The following SLC25A26 variants were observed in gnomAD, a reference collection of about 807,000 sequenced individuals.
The protein encoded by SLC25A26 is solute carrier family 25 member 26.
A neutral mutation model predicts 37.8 loss-of-function variants in SLC25A26; 36 were observed. The observed-to-expected ratio is 0.95, with a 90% CI of 0.73 to 1.26. The LOEUF is 1.26. Among genes scored for constraint, SLC25A26 ranks in the 50% most tolerant of loss-of-function variants. The probability of loss-of-function intolerance (pLI) is 0.00; values close to 1 mark genes in which losing one functional copy is unlikely to be tolerated. For missense variants in SLC25A26, 390 were observed against 331.1 expected, an observed-to-expected ratio of 1.18 and a Z score of -1.38; for synonymous variants, 129 against 122.5, an observed-to-expected ratio of 1.05 and a Z score of -0.35.
chr3:66,153,987 G>A (rs2070242805), intron 1 of SLC25A26, among the ~76,000 whole-genome samples: 1 of 152,206 alleles, frequency 6.6e-6, no homozygotes, highest in Non-Finnish European at 1.5e-5. Context: ...ATTCCGTCAG[G>A]AGTGCGTGGT....
chr3:66,277,606 A>G (rs1307717906), intron 5 of SLC25A26, among the ~76,000 whole-genome samples: 2 of 152,244 alleles, frequency 1.3e-5, no homozygotes, highest in Non-Finnish European at 2.9e-5. Flanking sequence ...ACTTTAATAT[A>G]TATAATCTTT....
intron 5 of SLC25A26, among the ~76,000 whole-genome samples, chr3:66,336,707 G>A (rs935817589): frequency 6.6e-6 from 1 of 152,156 alleles, no homozygotes; most frequent in Non-Finnish European, 1.5e-5. Context: ...CATACAAGAA[G>A]TTTTCAGGTT....
chr3:66,174,617 T>TAAA (rs200658216), intron 1 of SLC25A26, among the ~76,000 whole-genome samples: 7 of 151,044 alleles, frequency 4.6e-5, no homozygotes, highest in Non-Finnish European at 1.0e-4. Context: ...CGTCTCTACT[T>TAAA]AAAAAAAACA....
At chr3:66,366,906 G>A (rs547050196) in intron 7 of SLC25A26, among the ~76,000 whole-genome samples, 13 of 152,290 alleles carry the variant, frequency 8.5e-5, no homozygotes, top group African/African-American at 2.9e-4. Context: ...AATGAGAATA[G>A]TAACACCTAT....
At chr3:66,210,158 A>G (rs1422648501) in intron 1 of SLC25A26, among the ~76,000 whole-genome samples, 2 of 150,750 alleles carry the variant, frequency 1.3e-5, no homozygotes, top group Non-Finnish European at 3.0e-5. Flanking sequence ...TTGAGCCTAT[A>G]TGATGTATCT....
At chr3:66,152,388 A>G (rs2070220775) in intron 1 of SLC25A26, among the ~76,000 whole-genome samples, 1 of 152,216 alleles carries the variant, frequency 6.6e-6, no homozygotes, top group Admixed American at 6.5e-5. Flanking sequence ...AAAATGACTT[A>G]CTTAAAAAAT....
At chr3:66,199,153 C>T (rs938675892) in intron 1 of SLC25A26, among the ~76,000 whole-genome samples, 3 of 151,964 alleles carry the variant, frequency 2.0e-5, no homozygotes, top group African/African-American at 7.3e-5. Flanking sequence ...TTACTTGACC[C>T]TGCCCTACCT....
chr3:66,366,703 T>C (rs1196405592), intron 7 of SLC25A26, among the ~76,000 whole-genome samples: 1 of 152,254 alleles, frequency 6.6e-6, no homozygotes, highest in Non-Finnish European at 1.5e-5. Flanking sequence ...TTTAGGTCTT[T>C]TTAATTGGTT....
chr3:66,300,280 A>G (rs953322757), intron 5 of SLC25A26, among the ~76,000 whole-genome samples: 1 of 71,252 alleles, frequency 1.4e-5, no homozygotes, highest in Admixed American at 1.6e-4. Flanking sequence ...TTTTGGTGTT[A>G]TACTGGAATT....
chr3:66,290,816 A>T (rs2074679309), intron 5 of SLC25A26, among the ~76,000 whole-genome samples: 1 of 152,046 alleles, frequency 6.6e-6, no homozygotes, highest in African/African-American at 2.4e-5. Context: ...TATCAGGATG[A>T]TGTTGGCCTC....
chr3:66,267,795 T>C (rs1325337289), intron 5 of SLC25A26, among the ~76,000 whole-genome samples: 1 of 152,150 alleles, frequency 6.6e-6, no homozygotes, highest in Admixed American at 6.5e-5. Context: ...TCATCACTCT[T>C]AGTAGTTTAT....
chr3:66,312,532 A>AT (rs1438329065), intron 5 of SLC25A26, among the ~76,000 whole-genome samples: 3 of 134,124 alleles, frequency 2.2e-5, no homozygotes, highest in African/African-American at 9.0e-5. Flanking sequence ...CTGGGTACGA[A>AT]GAAAAAAAAG....
intron 1 of SLC25A26, 143 bp downstream of exon 1, chr3:66,221,270 A>T (rs2106867995): frequency 2.2e-6 from 2 of 902,548 alleles, no homozygotes; most frequent in Non-Finnish European, 3.2e-6. Context: ...GAGAGGGAGC[A>T]CGAGGCTCCC....
At chr3:66,316,595 TG>T (rs2075546552) in intron 5 of SLC25A26, among the ~76,000 whole-genome samples, 1 of 152,238 alleles carries the variant, frequency 6.6e-6, no homozygotes, top group East Asian at 1.9e-4. Context: ...TTATATGTCT[TG>T]GGGTTGATAT....
At chr3:66,254,372 G>A (rs1438009864) in intron 3 of SLC25A26, among the ~76,000 whole-genome samples, 7 of 152,226 alleles carry the variant, frequency 4.6e-5, no homozygotes, top group Non-Finnish European at 7.3e-5. Flanking sequence ...TGAAATACAC[G>A]TAAGCAAATT....
intron 3 of SLC25A26, among the ~76,000 whole-genome samples, chr3:66,261,110 T>C (rs2073511663): frequency 6.6e-6 from 1 of 152,238 alleles, no homozygotes; most frequent in East Asian, 1.9e-4. Context: ...CAAGCGACCT[T>C]CCTGTCTCGG....
intron 9 of SLC25A26, among the ~76,000 whole-genome samples, chr3:66,373,770 C>T (rs1215876154): frequency 6.6e-6 from 1 of 151,296 alleles, no homozygotes; most frequent in African/African-American, 2.4e-5. Context: ...ATTTTATGTG[C>T]AGTATTGTAA....
chr3:66,237,717 A>G (rs1286183213), intron 2 of SLC25A26, among the ~76,000 whole-genome samples: 1 of 152,094 alleles, frequency 6.6e-6, no homozygotes, highest in African/African-American at 2.4e-5. Context: ...TTACTGTTGG[A>G]TGCCTCTAGT....
chr3:66,143,277 G>A (rs973227455), intron 1 of SLC25A26, among the ~76,000 whole-genome samples: 6 of 151,990 alleles, frequency 3.9e-5, no homozygotes, highest in Non-Finnish European at 7.4e-5. Flanking sequence ...TTTGGCTATC[G>A]TGAATAGTGC....
Sources: gnomAD v4.1 joint callset for allele counts (sites outside exome capture counted in the v4.1 genomes callset) on GRCh38, gnomAD v4.1.1 for gene constraint, MANE v1.5 for transcripts, NCBI Gene and HGNC (gene_info 2026-07-23, HGNC 2026-07-21) for gene names.